NOTCH2NLA: variants seen among roughly 807,000 people sequenced by gnomAD.
NOTCH2NLA encodes notch homolog 2 N-terminal-like protein A.
intron 2 of NOTCH2NLA, among the ~76,000 whole-genome samples, chr1:146,172,836 C>T (rs1266159472): frequency 6.9e-6 from 1 of 145,104 alleles, no homozygotes; most frequent in Non-Finnish European, 1.6e-5. Flanking sequence ...GTCTTGAACC[C>T]TTGGTGTAGG....
chr1:146,219,795 T>TA (rs782014725), intron 1 of NOTCH2NLA, among the ~76,000 whole-genome samples: 44,193 of 78,392 alleles, frequency 0.56, 16,324 homozygotes, highest in Admixed American at 0.59. Flanking sequence ...GTTCATAAAC[T>TA]AAAAAAAAAA....
At chr1:146,198,765 G>C (rs1663288531) in intron 1 of NOTCH2NLA, among the ~76,000 whole-genome samples, 1 of 73,924 alleles carries the variant, frequency 1.4e-5, no homozygotes. Context: ...AATTTCCTGT[G>C]CTTTTAGTAA....
At chr1:146,203,662 CAG>C (rs1663477088) in intron 1 of NOTCH2NLA, among the ~76,000 whole-genome samples, 1 of 63,912 alleles carries the variant, frequency 1.6e-5, no homozygotes, top group Non-Finnish European at 3.2e-5. Context: ...GAAATCAACT[CAG>C]AGGGGGAAAA....
At chr1:146,172,635 T>G (rs1420621393) in intron 2 of NOTCH2NLA, among the ~76,000 whole-genome samples, 5 of 151,572 alleles carry the variant, frequency 3.3e-5, no homozygotes, top group African/African-American at 1.2e-4. Flanking sequence ...AAATCTGCTG[T>G]AAACCTGTCC....
chr1:146,174,601 C>T (rs1221464075), intron 2 of NOTCH2NLA, among the ~76,000 whole-genome samples: 11 of 141,190 alleles, frequency 7.8e-5, no homozygotes, highest in South Asian at 6.5e-4. Flanking sequence ...ATGTGGGTTG[C>T]GTCGGCACTG....
intron 3 of NOTCH2NLA, among the ~76,000 whole-genome samples, chr1:146,159,995 A>AAT (rs1661423611): frequency 7.7e-6 from 1 of 130,452 alleles, no homozygotes; most frequent in African/African-American, 2.8e-5. Context: ...AAAAAAAAAA[A>AAT]GGTGATCAGA....
At chr1:146,173,052 T>C (rs587602487) in intron 2 of NOTCH2NLA, among the ~76,000 whole-genome samples, 72 of 151,252 alleles carry the variant, frequency 4.8e-4, no homozygotes, top group Non-Finnish European at 9.4e-4. Flanking sequence ...CCCAGGAAGC[T>C]AAGCAGCATT....
At chr1:146,228,978 G>T in exon 1 of NOTCH2NLA, 1 of 1,413,644 alleles carries the variant, frequency 7.1e-7, no homozygotes, top group Non-Finnish European at 9.2e-7. Flanking sequence ...CTCGGCCGCC[G>T]CCTCAGCCGC....
At chr1:146,187,604 T>G in intron 2 of NOTCH2NLA, among the ~76,000 whole-genome samples, 1 of 136,022 alleles carries the variant, frequency 7.4e-6, no homozygotes, top group African/African-American at 2.5e-5. Flanking sequence ...AGGCATTAAC[T>G]ATGCAAAAAA....
intron 2 of NOTCH2NLA, among the ~76,000 whole-genome samples, chr1:146,173,815 CAA>C (rs71272964): frequency 5.0e-5 from 1 of 20,044 alleles, no homozygotes. Context: ...AACCCCATCT[CAA>C]AAAAAAAAAA....
chr1:146,180,561 AT>A lies in NOTCH2NLA; in HGVS notation c.38+8738del, dbSNP rs1662498421. Among the ~76,000 whole-genome samples, 3 of 143,254 alleles carry A rather than the reference AT, an allele frequency of 2.1e-5. No individual in the cohort carries two copies. In the South Asian group the frequency reaches 6.4e-4, roughly 31 times the overall value. 94.0% of individuals were successfully genotyped at this position (143,254 alleles called of 152,430 possible). On this transcript the variant is annotated intron_variant, in intron 2 of 4. Transcript: ENST00000362074. The stretch of plus-strand genomic sequence containing the variant: ...AGGTCACTGACAGTGAATAAATAGG[AT>A]CTAGAAAATGTGCGGAAATCCAATA...
Position 146,219,805 on chromosome 1 carries a change from A to AT in NOTCH2NLA, c.-45+8903_-45+8904insA, listed in dbSNP as rs879975603. ...GATCTGTTCATAAACTAAAAAAAAA[A>AT]AATATATATATATATATAAATAAAT... is the stretch of plus-strand genomic sequence containing the variant. On this transcript the variant is annotated intron_variant, in intron 1 of 4. Transcript: ENST00000362074. 5.2e-3 allele frequency among the ~76,000 whole-genome samples: 444 copies of AT among 85,860 alleles called. 33 individuals carry two copies. The highest frequency in any genetic ancestry group is 0.02 in the African/African-American group (293 of 15,014). 56.3% of individuals were successfully genotyped at this position (85,860 alleles called of 152,430 possible).
downstream of NOTCH2NLA, chr1:146,153,581 AAAT>A (rs587766157): frequency 5.2e-3 from 411 of 78,498 alleles, no homozygotes; most frequent in African/African-American, 0.019. Flanking sequence ...TTTAGAACTG[AAAT>A]AATAATTCTC....
intron 2 of NOTCH2NLA, among the ~76,000 whole-genome samples, chr1:146,180,730 T>C (rs1417178872): frequency 7.1e-6 from 1 of 141,102 alleles, no homozygotes; most frequent in East Asian, 1.9e-4. Context: ...TAAACTTCAT[T>C]CCTAACTACT....
chr1:146,179,985 G>C (rs1307917050), intron 2 of NOTCH2NLA, among the ~76,000 whole-genome samples: 2 of 134,804 alleles, frequency 1.5e-5, no homozygotes, highest in Admixed American at 1.6e-4. Flanking sequence ...GGTAACACAG[G>C]CCTCTTGGGC....
At chr1:146,171,999 A>AATC (rs1662011940) in intron 2 of NOTCH2NLA, among the ~76,000 whole-genome samples, 1 of 135,574 alleles carries the variant, frequency 7.4e-6, no homozygotes, top group African/African-American at 2.6e-5. Context: ...ATACTCATAC[A>AATC]ATCACAGAAT....
intron 2 of NOTCH2NLA, among the ~76,000 whole-genome samples, chr1:146,174,761 G>T (rs1313072458): frequency 1.4e-5 from 2 of 142,870 alleles, no homozygotes; most frequent in Non-Finnish European, 3.2e-5. Context: ...CCCTAGCTGA[G>T]CTCTAGAGGG....
intron 1 of NOTCH2NLA, among the ~76,000 whole-genome samples, chr1:146,195,109 C>T (rs1663114797): frequency 9.0e-6 from 1 of 110,916 alleles, no homozygotes; most frequent in Non-Finnish European, 1.8e-5. Flanking sequence ...TAGCTCTCTG[C>T]TTTTTCACTT....
At chr1:146,158,058 T>A (rs2102268204) in intron 3 of NOTCH2NLA, among the ~76,000 whole-genome samples, 1 of 148,334 alleles carries the variant, frequency 6.7e-6, no homozygotes, top group South Asian at 2.2e-4. Context: ...GAGAAAAAAA[T>A]ATCCTCACAG....
Sources: gnomAD v4.1 joint callset for allele counts (sites outside exome capture counted in the v4.1 genomes callset) on GRCh38, gnomAD v4.1.1 for gene constraint, MANE v1.5 for transcripts, NCBI Gene and HGNC (gene_info 2026-07-23, HGNC 2026-07-21) for gene names.